Variants in ST6GALNAC3 observed in about 807,000 individuals in gnomAD.
The protein encoded by ST6GALNAC3 is alpha-N-acetylgalactosaminide alpha-2,6-sialyltransferase 3.
Under a neutral mutation model 32.7 loss-of-function variants are expected in ST6GALNAC3, and 25 were observed. That is an observed-to-expected ratio of 0.76 (90% CI 0.56 to 1.07). The LOEUF is 1.07. ST6GALNAC3 is among the 50% of genes least tolerant of loss of function. ST6GALNAC3 has a pLI of 0.00. For missense variants in ST6GALNAC3, 355 were observed against 382.4 expected (o/e 0.93, Z 0.60); for synonymous variants, 129 against 133.1 (o/e 0.97, Z 0.21).
In ST6GALNAC3 at chr1:76,277,524, ATG is replaced by A. The variant is rs1302280630; in HGVS notation, c.19-36277_19-36276del. Among the ~76,000 whole-genome samples the A allele has an allele frequency of 1.3e-4, 16 of 127,040 alleles. No individual in the cohort carries two copies. In the East Asian group the frequency reaches 3.5e-3, roughly 27 times the overall value. The allele number at this position is 127,040 out of a possible 152,430, so 83.3% of individuals were successfully genotyped here. ...ATTAAAGACATATATGTATATGTTT[ATG>A]TGTATATATATATATATATATATAT... On this transcript the variant is annotated intron_variant, in intron 1 of 4. Coordinates refer to ENST00000328299, the MANE Select transcript of ST6GALNAC3 (RefSeq NM_152996.4).
intron 3 of ST6GALNAC3, among the ~76,000 whole-genome samples, chr1:76,414,826 C>T (rs1654503386): frequency 6.6e-6 from 1 of 151,988 alleles, no homozygotes. Context: ...AATACCATTG[C>T]CCTACATAAA....
chr1:76,629,954 T>C lies in ST6GALNAC3; in HGVS notation c.*1148T>C, dbSNP rs1280826487. On this transcript the variant is annotated 3_prime_UTR_variant, in exon 5 of 5. Transcript: ENST00000328299. ...GCCTTCTAGGGATTTATTTTTCCCA[T>C]AGTGTATCAGTTGTTATGCCACAAT... The C allele has an allele frequency of 1.0e-6, 1 of 985,026 alleles. No individual in the cohort carries two copies. The highest frequency in any genetic ancestry group is 1.2e-6 in the Non-Finnish European group (1 of 829,766). 61.0% of individuals were successfully genotyped at this position (985,026 alleles called of 1,614,324 possible).
intron 3 of ST6GALNAC3, among the ~76,000 whole-genome samples, chr1:76,606,718 T>TA (rs1263394679): frequency 2.0e-5 from 3 of 147,322 alleles, no homozygotes; most frequent in African/African-American, 7.5e-5. Flanking sequence ...CCCCAGAGCT[T>TA]AAAATAAAAT....
chr1:76,142,634 C>T (rs1335430660), intron 1 of ST6GALNAC3, among the ~76,000 whole-genome samples: 1 of 152,154 alleles, frequency 6.6e-6, no homozygotes, highest in Non-Finnish European at 1.5e-5. Context: ...TCATGAGTTG[C>T]ATAAGATGGG....
At position 76,412,273 on chromosome 1, in the gene ST6GALNAC3, A is replaced by G; in HGVS notation, c.479A>G (p.Asn160Ser). The G allele has an allele frequency of 6.2e-7, 1 of 1,613,758 alleles. No individual in the cohort carries two copies. The change falls in exon 3 of 5, where the codon AAT becomes AGT. Residue 160 changes from asparagine to serine, a missense_variant. Asn to Ser is a conservative substitution (Grantham distance 46). Transcript: ENST00000328299. ...TATGTTATTTGGGGACCTTTCCGCAATATGAGGAAAGATGGCAATGGCATC... is the reference window on the plus strand; with the variant it reads ...TATGTTATTTGGGGACCTTTCCGCAGTATGAGGAAAGATGGCAATGGCATC... ...TIYVIWGPFR[N>S]MRKDGNGIVY...
At chr1:76,555,078 A>C (rs190800879) in intron 3 of ST6GALNAC3, among the ~76,000 whole-genome samples, 2 of 152,300 alleles carry the variant, frequency 1.3e-5, no homozygotes, top group African/African-American at 4.8e-5. Flanking sequence ...AAATAGCCTT[A>C]ATGCCCTTAA....
chr1:76,503,204 T>C lies in ST6GALNAC3; in HGVS notation c.623+90787T>C, dbSNP rs139803702. The stretch of plus-strand genomic sequence containing the variant: ...ATTTGCCAAAGAGAAAGTCATCCAA[T>C]GGCAACACCTCTCTCAGAGCTCACT... On this transcript the variant is annotated intron_variant, in intron 3 of 4. Transcript: ENST00000328299. Among the ~76,000 whole-genome samples, 350 of 152,332 alleles carry C rather than the reference T, an allele frequency of 2.3e-3. 1 individual carries two copies. Among genetic ancestry groups the C allele is most frequent in the African/African-American group, 8.1e-3 (338 of 41,574 alleles).
chr1:76,444,615 G>A (rs141108569), intron 3 of ST6GALNAC3, among the ~76,000 whole-genome samples: 1,880 of 152,270 alleles, frequency 0.012, 35 homozygotes, highest in African/African-American at 0.043. Flanking sequence ...TTACATGTCA[G>A]ACACCATTGA....
chr1:76,141,578 GATC>G (rs1407753250), intron 1 of ST6GALNAC3, among the ~76,000 whole-genome samples: 1 of 152,088 alleles, frequency 6.6e-6, no homozygotes, highest in Non-Finnish European at 1.5e-5. Flanking sequence ...CTTTTCTATA[GATC>G]ATCAACATGT....
At chr1:76,175,632 G>GA (rs1247869256) in intron 1 of ST6GALNAC3, among the ~76,000 whole-genome samples, 3 of 151,504 alleles carry the variant, frequency 2.0e-5, no homozygotes, top group Admixed American at 2.0e-4. Context: ...CAGACAATCA[G>GA]AAAAAAGTAC....
chr1:76,174,970 A>G (rs1418200684), intron 1 of ST6GALNAC3, among the ~76,000 whole-genome samples: 1 of 152,122 alleles, frequency 6.6e-6, no homozygotes, highest in African/African-American at 2.4e-5. Flanking sequence ...ACTCAGCCCA[A>G]TAAATATGTT....
At chr1:76,532,817 C>A (rs1663342022) in intron 3 of ST6GALNAC3, among the ~76,000 whole-genome samples, 1 of 151,984 alleles carries the variant, frequency 6.6e-6, no homozygotes, top group African/African-American at 2.4e-5. Flanking sequence ...GCTTCTAGCC[C>A]AAAACTGGAG....
At chr1:76,277,194 G>A (rs1659178285) in intron 1 of ST6GALNAC3, among the ~76,000 whole-genome samples, 1 of 151,914 alleles carries the variant, frequency 6.6e-6, no homozygotes, top group Non-Finnish European at 1.5e-5. Flanking sequence ...TTGATATTTT[G>A]TTGTCTTATT....
chr1:76,187,121 T>C (rs1653604175), intron 1 of ST6GALNAC3, among the ~76,000 whole-genome samples: 1 of 152,254 alleles, frequency 6.6e-6, no homozygotes, highest in African/African-American at 2.4e-5. Flanking sequence ...GTTTTCCTTC[T>C]GATCTTCTTC....
chr1:76,127,062 T>C (rs1649302130), intron 1 of ST6GALNAC3, among the ~76,000 whole-genome samples: 1 of 152,154 alleles, frequency 6.6e-6, no homozygotes, highest in Non-Finnish European at 1.5e-5. Context: ...AAAAGGGAAG[T>C]TTTGAGGTAG....
At chr1:76,101,134 C>T (rs1647214960) in intron 1 of ST6GALNAC3, among the ~76,000 whole-genome samples, 1 of 152,218 alleles carries the variant, frequency 6.6e-6, no homozygotes, top group African/African-American at 2.4e-5. Flanking sequence ...TGGTACTGCC[C>T]TAAAAACACT....
intron 1 of ST6GALNAC3, among the ~76,000 whole-genome samples, chr1:76,089,054 A>G (rs1201159207): frequency 6.6e-6 from 1 of 151,966 alleles, no homozygotes; most frequent in African/African-American, 2.4e-5. Flanking sequence ...TTTGAGGTGG[A>G]GTCTCGCTCT....
chr1:76,133,050 G>A (rs1649715456), intron 1 of ST6GALNAC3, among the ~76,000 whole-genome samples: 1 of 152,074 alleles, frequency 6.6e-6, no homozygotes, highest in African/African-American at 2.4e-5. Flanking sequence ...GTTATTCTCT[G>A]TGATGTAGGT....
intron 2 of ST6GALNAC3, among the ~76,000 whole-genome samples, chr1:76,397,829 C>T (rs897684109): frequency 3.8e-4 from 58 of 151,916 alleles, no homozygotes; most frequent in Admixed American, 5.9e-4. Flanking sequence ...GTACTGTTGG[C>T]GATTTTCTGT....
Sources: allele counts gnomAD v4.1 joint callset (sites outside exome capture counted in the v4.1 genomes callset), GRCh38; gene constraint gnomAD v4.1.1; transcripts MANE v1.5; gene names NCBI Gene and HGNC (gene_info 2026-07-23, HGNC 2026-07-21).